Variants in AFF3 observed in about 807,000 individuals in gnomAD.
The protein encoded by AFF3 is AF4/FMR2 family member 3.
Under a neutral mutation model 129.7 loss-of-function variants are expected in AFF3, and 32 were observed. The ratio of observed to expected loss-of-function variants is 0.25; its 90% CI spans 0.19 to 0.33. AFF3 has a LOEUF of 0.33. AFF3 is among the 10% of genes least tolerant of loss of function. The probability of loss-of-function intolerance (pLI) is 1.00; values close to 1 mark genes in which losing one functional copy is unlikely to be tolerated. For synonymous variants in AFF3, 644 were observed against 635.4 expected, an observed-to-expected ratio of 1.01 and a Z score of -0.20; for missense variants, 1,373 against 1,592.0, an observed-to-expected ratio of 0.86 and a Z score of 2.34.
In AFF3 at chr2:100,132,950, T is replaced by C. The variant is rs571070431; in HGVS notation, c.-227-3644A>G. 1.3e-4 allele frequency among the ~76,000 whole-genome samples: 20 copies of C among 151,700 alleles called. 1 individual carries two copies. The East Asian group carries it at 3.7e-3, about 28-fold the overall frequency. On this transcript the variant is annotated intron_variant, in intron 1 of 24. Coordinates refer to ENST00000672756, the MANE Select transcript of AFF3 (RefSeq NM_001386135.1). ...TCTGTTTTTGTTTTTTTTTTTTAGA[T>C]ACGGGGTTTTGCTTTGTCTTGCAGG...
chr2:99,723,352 G>T (rs977630541), intron 11 of AFF3, among the ~76,000 whole-genome samples: 7 of 152,164 alleles, frequency 4.6e-5, no homozygotes, highest in African/African-American at 1.7e-4. Flanking sequence ...GCTTCCTTAG[G>T]AAATAAGCTC....
At chr2:99,777,695 G>T (rs1471071606) in intron 8 of AFF3, among the ~76,000 whole-genome samples, 1 of 152,088 alleles carries the variant, frequency 6.6e-6, no homozygotes, top group Non-Finnish European at 1.5e-5. Flanking sequence ...ACATCTGGCA[G>T]GCTTTCTACC....
intron 11 of AFF3, among the ~76,000 whole-genome samples, chr2:99,701,215 T>A (rs1355777073): frequency 1.3e-5 from 2 of 152,072 alleles, no homozygotes; most frequent in East Asian, 3.9e-4. Context: ...TCCCATGCAT[T>A]TTCAGCTTAG....
intron 7 of AFF3, among the ~76,000 whole-genome samples, chr2:99,934,431 C>G (rs866152029): frequency 6.6e-6 from 1 of 152,150 alleles, no homozygotes; most frequent in Non-Finnish European, 1.5e-5. Flanking sequence ...AAGGGAATTC[C>G]CTAAAACAAC....
In AFF3 at chr2:100,046,219, C is replaced by T. The variant is rs72966462; in HGVS notation, c.54-37287G>A. Among the ~76,000 whole-genome samples the T allele has an allele frequency of 9.6e-3, 1,467 of 152,238 alleles. 21 individuals are homozygous for T. Among genetic ancestry groups the T allele is most frequent in the African/African-American group, 0.032 (1,339 of 41,540 alleles). On this transcript the variant is annotated intron_variant, in intron 4 of 24. Transcript: ENST00000672756. ...TGATTCTGATAACAGCTAATGTTTACATTATCCTATACCTACTCTATAGTG... is the reference window on the plus strand; with the variant it reads ...TGATTCTGATAACAGCTAATGTTTATATTATCCTATACCTACTCTATAGTG...
intron 14 of AFF3, among the ~76,000 whole-genome samples, chr2:99,594,493 C>T (rs756268650): frequency 1.1e-4 from 16 of 152,158 alleles, no homozygotes; most frequent in Non-Finnish European, 1.6e-4. Flanking sequence ...CTGTCCTTAC[C>T]GGCCCGTGGC....
intron 4 of AFF3, among the ~76,000 whole-genome samples, chr2:100,070,926 A>G (rs1688134538): frequency 6.6e-6 from 1 of 152,122 alleles, no homozygotes; most frequent in South Asian, 2.1e-4. Context: ...ATAATTTTTA[A>G]TTTTAATAAA....
chr2:99,731,109 C>T (rs1477437262), intron 10 of AFF3, among the ~76,000 whole-genome samples: 1 of 151,992 alleles, frequency 6.6e-6, no homozygotes, highest in Non-Finnish European at 1.5e-5. Flanking sequence ...AGCTGCATGC[C>T]AAAACACCTG....
At chr2:99,607,937 G>T (rs1680535389) in intron 13 of AFF3, among the ~76,000 whole-genome samples, 1 of 152,208 alleles carries the variant, frequency 6.6e-6, no homozygotes, top group Non-Finnish European at 1.5e-5. Flanking sequence ...CGGGATTGAA[G>T]AGGTTTGCTA....
chr2:99,947,024 C>T (rs1014676907), intron 7 of AFF3, among the ~76,000 whole-genome samples: 7 of 152,114 alleles, frequency 4.6e-5, no homozygotes, highest in African/African-American at 9.7e-5. Context: ...TTATTTGATT[C>T]GGTCGTTCAT....
chr2:99,572,469 G>A (rs931207460), intron 18 of AFF3, among the ~76,000 whole-genome samples: 2 of 152,108 alleles, frequency 1.3e-5, no homozygotes, highest in African/African-American at 4.8e-5. Flanking sequence ...ACTCCTTTCT[G>A]TAATTCCTAC....
chr2:99,865,935 C>T (rs1278362130), intron 7 of AFF3, among the ~76,000 whole-genome samples: 2 of 152,232 alleles, frequency 1.3e-5, no homozygotes, highest in Non-Finnish European at 2.9e-5. Context: ...TTCAATCATT[C>T]ATTCAACAAA....
intron 7 of AFF3, among the ~76,000 whole-genome samples, chr2:99,922,098 C>T (rs1332951753): frequency 6.6e-6 from 1 of 152,118 alleles, no homozygotes; most frequent in Non-Finnish European, 1.5e-5. Context: ...TATGGAGTAA[C>T]TGGAACTCTA....
intron 2 of AFF3, chr2:100,106,309 T>C: frequency 2.6e-6 from 3 of 1,163,150 alleles, no homozygotes; most frequent in Non-Finnish European, 3.2e-6. Flanking sequence ...CAAAAACCCC[T>C]CTCATTAGCT....
chr2:99,703,159 T>G (rs896893427), intron 11 of AFF3, among the ~76,000 whole-genome samples: 1 of 152,216 alleles, frequency 6.6e-6, no homozygotes, highest in Non-Finnish European at 1.5e-5. Flanking sequence ...CAGGGCTGTG[T>G]TCCTTCTGAG....
intron 4 of AFF3, among the ~76,000 whole-genome samples, chr2:100,020,260 T>TG (rs1401658562): frequency 2.6e-5 from 4 of 152,146 alleles, no homozygotes; most frequent in African/African-American, 9.6e-5. Context: ...CATGAGATTG[T>TG]GGTCTCCCTC....
intron 12 of AFF3, among the ~76,000 whole-genome samples, chr2:99,661,603 G>A (rs192222160): frequency 7.5e-4 from 114 of 152,270 alleles, no homozygotes; most frequent in African/African-American, 2.6e-3. Context: ...TTGAGTCTCC[G>A]AGGAGATTCG....
intron 11 of AFF3, among the ~76,000 whole-genome samples, chr2:99,680,874 G>A (rs144853256): frequency 7.2e-5 from 11 of 152,278 alleles, no homozygotes; most frequent in African/African-American, 2.6e-4. Context: ...CTCCTAATTA[G>A]CAAATCCATG....
intron 8 of AFF3, among the ~76,000 whole-genome samples, 186 bp from the exon 9 acceptor site, chr2:99,752,487 A>G (rs953917889): frequency 6.6e-6 from 1 of 152,206 alleles, no homozygotes; most frequent in African/African-American, 2.4e-5. Flanking sequence ...TAATTTTACC[A>G]ATTCTTGACT....
Sources: gnomAD v4.1 joint callset for allele counts (sites outside exome capture counted in the v4.1 genomes callset) on GRCh38, gnomAD v4.1.1 for gene constraint, MANE v1.5 for transcripts, NCBI Gene and HGNC (gene_info 2026-07-23, HGNC 2026-07-21) for gene names.